LRRC61: variants seen among roughly 807,000 people sequenced by gnomAD.
LRRC61 encodes the protein leucine rich repeat containing 61.
Under a neutral mutation model 15.1 loss-of-function variants are expected in LRRC61, and 9 were observed. The observed-to-expected ratio is 0.60, with a 90% CI of 0.36 to 1.04. LRRC61 has a LOEUF of 1.04. Ranked by LOEUF, LRRC61 falls within the 50% of genes least tolerant of loss-of-function variation. The probability of loss-of-function intolerance (pLI) is 0.01; values close to 1 mark genes in which losing one functional copy is unlikely to be tolerated. For missense variants in LRRC61, 344 were observed against 335.6 expected (o/e 1.03, Z -0.20); for synonymous variants, 173 against 158.6 (o/e 1.09, Z -0.68).
chr7:150,317,716 A>G, the LRRC61 span, among the ~76,000 whole-genome samples: 1 of 152,190 alleles, frequency 6.6e-6, no homozygotes, highest in African/African-American at 2.4e-5. Context: ...TGAGGTGGAT[A>G]TATCTGATCA....
At chr7:150,310,069 T>C in the LRRC61 span, among the ~76,000 whole-genome samples, 15 of 152,168 alleles carry the variant, frequency 9.9e-5, no homozygotes, top group Non-Finnish European at 5.9e-5. Context: ...CATGCTTTTA[T>C]GCACTTTTTT....
upstream of LRRC61, among the ~76,000 whole-genome samples, chr7:150,322,067 G>A (rs913279404): frequency 1.6e-4 from 25 of 152,354 alleles, no homozygotes; most frequent in Admixed American, 8.5e-4. Flanking sequence ...TTTTGTGCTC[G>A]TCCAGGGAAC....
chr7:150,326,943 C>T (rs998427457), intron 2 of LRRC61, among the ~76,000 whole-genome samples: 2 of 152,168 alleles, frequency 1.3e-5, no homozygotes, highest in Admixed American at 1.3e-4. Context: ...AAAGTTCTTG[C>T]GAGATGGACT....
At chr7:150,324,146 C>A (rs1009627398) in intron 1 of LRRC61, among the ~76,000 whole-genome samples, 1 of 152,208 alleles carries the variant, frequency 6.6e-6, no homozygotes, top group African/African-American at 2.4e-5. Context: ...CTCTCACCAC[C>A]TTTCAATCTT....
At chr7:150,332,709 T>C (rs1421596653) in intron 2 of LRRC61, 1 of 167,162 alleles carries the variant, frequency 6.0e-6, no homozygotes, top group Non-Finnish European at 1.5e-5. Context: ...AATAAAGTTT[T>C]GTAAACATTT....
intron 2 of LRRC61, chr7:150,331,345 C>G: frequency 2.0e-6 from 1 of 503,006 alleles, no homozygotes; most frequent in East Asian, 3.2e-5. Flanking sequence ...TCACCCTGCC[C>G]GTGAACTCCT....
chr7:150,322,077 C>T (rs774662873), upstream of LRRC61, among the ~76,000 whole-genome samples: 1 of 152,248 alleles, frequency 6.6e-6, no homozygotes, highest in Admixed American at 6.5e-5. Flanking sequence ...GTCCAGGGAA[C>T]ATGACTTCTT....
chr7:150,316,483 A>ATTTTTTTTTTTTTTTTTTTTTTTTT, the LRRC61 span, among the ~76,000 whole-genome samples: 1 of 80,528 alleles, frequency 1.2e-5, no homozygotes, highest in Non-Finnish European at 2.7e-5. Flanking sequence ...GAATCTGGTT[A>ATTTTTTTTTTTTTTTTTTTTTTTTT]TTTTTTTTTT....
At chr7:150,331,307 G>A (rs777617745) in intron 2 of LRRC61, 111 of 573,432 alleles carry the variant, frequency 1.9e-4, no homozygotes, top group Non-Finnish European at 3.0e-4. Flanking sequence ...GCTCAGGGTG[G>A]GATGGCAGAC....
At chr7:150,331,235 C>T in intron 2 of LRRC61, 2 of 974,022 alleles carry the variant, frequency 2.1e-6, no homozygotes, top group Non-Finnish European at 3.0e-6. Context: ...CCCAACTACA[C>T]CCCGCCTCCC....
chr7:150,325,971 G>A lies in LRRC61; in HGVS notation c.-184G>A, dbSNP rs1330372641. On this transcript the variant is annotated 5_prime_UTR_variant, in exon 2 of 3. Coordinates refer to ENST00000359623, the MANE Select transcript of LRRC61 (RefSeq NM_001142928.2). The stretch of plus-strand genomic sequence containing the variant: ...ACACAAAATCCCAGATCTACCTGAC[G>A]GGCCTGCGAGGGTTGAAGATTGTGA... 6.6e-6 allele frequency: 1 copy of A among 152,616 alleles called. No homozygotes were observed. The highest frequency in any genetic ancestry group is 1.9e-4 in the East Asian group (1 of 5,196). 9.5% of individuals were successfully genotyped at this position (152,616 alleles called of 1,614,324 possible). A position where few individuals can be genotyped will look rare whatever the true frequency, so the allele number is the denominator to read the frequency against.
At chr7:150,316,736 G>A in the LRRC61 span, among the ~76,000 whole-genome samples, 12 of 151,940 alleles carry the variant, frequency 7.9e-5, no homozygotes, top group Admixed American at 7.2e-4. Context: ...TGCCCACTTC[G>A]GCCTTCCGAA....
At chr7:150,328,958 C>T (rs1248694665) in intron 2 of LRRC61, among the ~76,000 whole-genome samples, 5 of 152,168 alleles carry the variant, frequency 3.3e-5, no homozygotes, top group African/African-American at 7.2e-5. Flanking sequence ...AAACCCTCAC[C>T]TAACCGTGGT....
At chr7:150,334,656 G>A (rs1321696515) in intron 2 of LRRC61, among the ~76,000 whole-genome samples, 1 of 152,234 alleles carries the variant, frequency 6.6e-6, no homozygotes, top group Non-Finnish European at 1.5e-5. Flanking sequence ...ACTCACTCAA[G>A]CTGAGTGCTG....
chr7:150,324,946 T>C (rs1385178481), intron 1 of LRRC61, among the ~76,000 whole-genome samples: 1 of 152,230 alleles, frequency 6.6e-6, no homozygotes, highest in African/African-American at 2.4e-5. Flanking sequence ...CACTTTACTT[T>C]GGTTTTTCCT....
Position 150,330,919 on chromosome 7 carries a change from G to A in LRRC61, c.-145+4909G>A. 6.2e-7 allele frequency: 1 copy of A among 1,612,896 alleles called. No homozygotes were observed. The highest frequency in any genetic ancestry group is 1.3e-5 in the African/African-American group (1 of 75,030). On this transcript the variant is annotated intron_variant, in intron 2 of 2. Coordinates refer to ENST00000359623, the MANE Select transcript of LRRC61 (RefSeq NM_001142928.2). The surrounding 1 kb of genome is among the most constrained non-coding windows in gnomAD (Gnocchi z 4.6). ...CAGAGGGAGAAGGGCTTGCTGGAGA[G>A]CATGGGGCTGCTGGCCTCTGAGAGA... is the stretch of plus-strand genomic sequence containing the variant.
In LRRC61 at chr7:150,337,289, A is replaced by G. The variant is rs3735169; in HGVS notation, c.428A>G (p.Asn143Ser). 0.25 allele frequency: 406,619 copies of G among 1,602,884 alleles called. 52,699 individuals are homozygous for G. The highest frequency in any genetic ancestry group is 0.34 in the East Asian group (15,295 of 44,816). ...CGGCTCAGCAACCCGCTCTGTGCCA[A>G]CCCCTCCTACTGGGCTGCAGTCCGG... ...LARLSNPLCA[N>S]PSYWAAVREL... The change falls in exon 3 of 3, where the codon AAC becomes AGC. Residue 143 changes from asparagine (N) to serine (S), a missense_variant. By Grantham distance (46) the Asn-to-Ser change is conservative (BLOSUM62 1). Coordinates refer to ENST00000359623, the MANE Select transcript of LRRC61 (RefSeq NM_001142928.2).
chr7:150,333,410 C>T lies in LRRC61; in HGVS notation c.-144-3308C>T, dbSNP rs141974191. ...GCTCAGCACCCTCCAATGTGCAGGACGGCCTCCACAACCAAGGCTCAGCCT... is the reference window on the plus strand; with the variant it reads ...GCTCAGCACCCTCCAATGTGCAGGATGGCCTCCACAACCAAGGCTCAGCCT... On this transcript the variant is annotated intron_variant, in intron 2 of 2. Transcript: ENST00000359623. This position sits in a 1 kb window ranked among gnomAD's most constrained non-coding sequence, Gnocchi z 4.3. 5.3e-4 allele frequency among the ~76,000 whole-genome samples: 81 copies of T among 152,338 alleles called. No individual in the cohort carries two copies. Among genetic ancestry groups the T allele is most frequent in the African/African-American group, 1.7e-3 (71 of 41,574 alleles).
chr7:150,325,826 A>C lies in LRRC61; in HGVS notation c.-314-15A>C, dbSNP rs1327176879. 6.6e-6 allele frequency: 1 copy of C among 152,558 alleles called. No individual in the cohort carries two copies. The highest frequency in any genetic ancestry group is 1.5e-5 in the Non-Finnish European group (1 of 68,036). The allele number at this position is 152,558 out of a possible 1,614,324, so 9.5% of individuals were successfully genotyped here. ...AAATTTATCAATGACTTTCTTTTTA[A>C]AATTTACGTTTTAGATTCATTTGGA... On this transcript the variant is annotated splice_polypyrimidine_tract_variant and intron_variant, in intron 1 of 2. Transcript: ENST00000359623.
Sources: allele counts gnomAD v4.1 joint callset (sites outside exome capture counted in the v4.1 genomes callset), GRCh38; gene constraint gnomAD v4.1.1; non-coding constraint Gnocchi (gnomAD v3.1); transcripts MANE v1.5; gene names NCBI Gene and HGNC (gene_info 2026-07-23, HGNC 2026-07-21).